RPS15A: variants seen among roughly 807,000 people sequenced by gnomAD.
RPS15A encodes the protein small ribosomal subunit protein uS8.
For missense variants in RPS15A, 62 were observed against 163.4 expected (o/e 0.38, Z 3.38); for synonymous variants, 55 against 58.5 (o/e 0.94, Z 0.27).
intron 4 of RPS15A, 175 bp from the exon 5 acceptor site, chr16:18,783,277 G>A: frequency 3.6e-6 from 2 of 557,306 alleles, no homozygotes; most frequent in South Asian, 2.3e-5. Flanking sequence ...CATGACTCCT[G>A]CAACCCAAAG....
chr16:18,788,029 A>T, intron 3 of RPS15A, 34 bp downstream of exon 3: 1 of 1,380,884 alleles, frequency 7.2e-7, no homozygotes, highest in Non-Finnish European at 1.0e-6. Flanking sequence ...AAAAATTCTT[A>T]AAGCTTTGAA....
At position 18,784,747 on chromosome 16, in the gene RPS15A, C is replaced by G; in HGVS notation, c.290G>C (p.Arg97Pro). 1 of 1,607,336 alleles carries G rather than the reference C, an allele frequency of 6.2e-7. No individual in the cohort carries two copies. Among genetic ancestry groups the G allele is most frequent in the South Asian group, 1.1e-5 (1 of 89,348 alleles). ...EKWQNNLLPS[R>P]QFGFIVLTTS... Reference sequence around the variant, plus strand: ...GGAAAGGCCAACTTACCCAAACTGGCGGGATGGAAGCAGATTATTCTGCCA... The same window carrying G: ...GGAAAGGCCAACTTACCCAAACTGGGGGGATGGAAGCAGATTATTCTGCCA... The change falls in exon 4 of 5, where the codon CGC becomes CCC. Residue 97 changes from arginine to proline, a missense_variant. Physicochemically the swap from Arg to Pro is moderately radical, Grantham distance 103. Transcript: ENST00000322989.
intron 4 of RPS15A, 61 bp from the exon 5 acceptor site, chr16:18,783,163 G>A: frequency 1.8e-6 from 2 of 1,094,112 alleles, no homozygotes; most frequent in Non-Finnish European, 2.8e-6. Context: ...GCCTTCTAGT[G>A]CAGAAAAACA....
chr16:18,783,498 T>C (rs1261282875), intron 4 of RPS15A: 1 of 366,978 alleles, frequency 2.7e-6, no homozygotes, highest in Non-Finnish European at 5.4e-6. Flanking sequence ...AACTATTATA[T>C]GGAGACGTTC....
chr16:18,785,032 G>C (rs781253816), intron 3 of RPS15A: 1 of 505,046 alleles, frequency 2.0e-6, no homozygotes, highest in Admixed American at 4.0e-5. Flanking sequence ...AAAAGCAAAG[G>C]CATGCAAAGA....
rs967533951 is a variant in RPS15A at position 18,789,173 on chromosome 16, CACCA to C, written c.-5-59_-5-56del. On this transcript the variant is annotated intron_variant, in intron 1 of 4. Coordinates refer to ENST00000322989, the MANE Select transcript of RPS15A (RefSeq NM_001019.5). ...TACTGGCATTGCCAACATCAACAGA[CACCA>C]ACCATTACACTGCGGAAGTATCCTT... is the stretch of plus-strand genomic sequence containing the variant. The C allele has an allele frequency of 1.3e-5, 20 of 1,544,340 alleles. No homozygotes were observed. The African/African-American group carries it at 2.5e-4, about 19-fold the overall frequency.
chr16:18,781,345 G>GACGATTCACTC lies in RPS15A; in HGVS notation c.*1653_*1663dup, dbSNP rs1903963823. Reference sequence around the variant, plus strand: ...TGAAGTCAGTGTCCAGAAAGAAACCGACGATTCACTCAATCAACATGTAAG... The same window carrying GACGATTCACTC: ...TGAAGTCAGTGTCCAGAAAGAAACCGACGATTCACTCACGATTCACTCAATCAACATGTAAG... On this transcript the variant is annotated 3_prime_UTR_variant, in exon 5 of 5. Transcript: ENST00000322989. 6.6e-6 allele frequency: 1 copy of GACGATTCACTC among 150,726 alleles called. No individual in the cohort carries two copies. Among genetic ancestry groups the GACGATTCACTC allele is most frequent in the African/African-American group, 2.4e-5 (1 of 41,028 alleles). The allele number at this position is 150,726 out of a possible 1,614,324, so 9.3% of individuals were successfully genotyped here.
chr16:18,790,189 C>A, intron 1 of RPS15A, 55 bp downstream of exon 1: 1 of 152,610 alleles, frequency 6.6e-6, no homozygotes, highest in Non-Finnish European at 1.5e-5. Flanking sequence ...CCGGCAAGGC[C>A]AGGATCCTCG....
intron 2 of RPS15A, 118 bp downstream of exon 2, chr16:18,788,863 A>G: frequency 9.3e-7 from 1 of 1,072,248 alleles, no homozygotes; most frequent in South Asian, 1.5e-5. Context: ...CCACAGGTCA[A>G]TTGCATTCGT....
chr16:18,784,961 C>T lies in RPS15A; in HGVS notation c.214-138G>A, dbSNP rs151080780. 9.5e-6 allele frequency: 6 copies of T among 630,980 alleles called. No individual in the cohort carries two copies. In the East Asian group the frequency reaches 1.8e-4, roughly 19 times the overall value. 39.1% of individuals were successfully genotyped at this position (630,980 alleles called of 1,614,324 possible). A position where few individuals can be genotyped will look rare whatever the true frequency, so the allele number is the denominator to read the frequency against. Reference sequence around the variant, plus strand: ...CATTCAGATGGGTACTTATTCTGTGCACAATGCTTGACATACTTTTCAAAA... The same window carrying T: ...CATTCAGATGGGTACTTATTCTGTGTACAATGCTTGACATACTTTTCAAAA... On this transcript the variant is annotated intron_variant, in intron 3 of 4. Coordinates refer to ENST00000322989, the MANE Select transcript of RPS15A (RefSeq NM_001019.5).
chr16:18,789,628 A>G (rs1183604172), intron 1 of RPS15A, among the ~76,000 whole-genome samples: 1 of 152,178 alleles, frequency 6.6e-6, no homozygotes, highest in Non-Finnish European at 1.5e-5. Flanking sequence ...TAACTATTAA[A>G]CATCCATCTT....
At chr16:18,789,462 C>T (rs966046039) in intron 1 of RPS15A, among the ~76,000 whole-genome samples, 2 of 152,218 alleles carry the variant, frequency 1.3e-5, no homozygotes, top group African/African-American at 4.8e-5. Flanking sequence ...AAACTGCCAG[C>T]TACCGGAAGG....
chr16:18,787,079 T>C (rs1389178307), intron 3 of RPS15A, among the ~76,000 whole-genome samples: 2 of 152,236 alleles, frequency 1.3e-5, no homozygotes, highest in South Asian at 2.1e-4. Context: ...TGGCCAGGCT[T>C]GTCTCAAACT....
At chr16:18,788,858 G>A (rs1596938438) in intron 2 of RPS15A, 123 bp downstream of exon 2, 1 of 1,015,162 alleles carries the variant, frequency 9.9e-7, no homozygotes, top group Non-Finnish European at 1.5e-6. Flanking sequence ...ACAGCCCACA[G>A]GTCAATTGCA....
chr16:18,789,524 C>A (rs1476721900), intron 1 of RPS15A, among the ~76,000 whole-genome samples: 1 of 152,204 alleles, frequency 6.6e-6, no homozygotes, highest in Non-Finnish European at 1.5e-5. Flanking sequence ...AGAGTATCAT[C>A]GGCAACATTT....
Position 18,782,293 on chromosome 16 carries a change from TAAAAAAAAAAA to T in RPS15A, c.*705_*715del, listed in dbSNP as rs71141062. The T allele has an allele frequency of 1.1e-5, 1 of 87,952 alleles. No individual in the cohort carries two copies. The highest frequency in any genetic ancestry group is 2.3e-5 in the Non-Finnish European group (1 of 44,318). The allele number at this position is 87,952 out of a possible 1,614,324, so 5.4% of individuals were successfully genotyped here. A position where few individuals can be genotyped will look rare whatever the true frequency, so the allele number is the denominator to read the frequency against. ...CCTGTGTGACAGAGCGACTTTGTCT[TAAAAAAAAAAA>T]AAAAAAAAAAAAAATTCCTAGCAAG... On this transcript the variant is annotated 3_prime_UTR_variant, in exon 5 of 5. Coordinates refer to ENST00000322989, the MANE Select transcript of RPS15A (RefSeq NM_001019.5).
intron 3 of RPS15A, chr16:18,786,424 C>T (rs1427930838): frequency 6.5e-6 from 1 of 154,926 alleles, no homozygotes; most frequent in African/African-American, 2.4e-5. Context: ...ATTTTTCAAA[C>T]TAGCATACCA....
At chr16:18,790,150 C>T (rs1459151086) in intron 1 of RPS15A, 94 bp downstream of exon 1, 1 of 152,460 alleles carries the variant, frequency 6.6e-6, no homozygotes, top group East Asian at 1.9e-4. Context: ...GGCGCCCAGC[C>T]ATGGCTCTCC....
chr16:18,783,890 G>A (rs1904004482), intron 4 of RPS15A: 3 of 350,922 alleles, frequency 8.5e-6, no homozygotes, highest in African/African-American at 4.3e-5. Flanking sequence ...ACTCAGATAG[G>A]CTTTTAAGGA....
Sources: gnomAD v4.1 joint callset for allele counts (sites outside exome capture counted in the v4.1 genomes callset) on GRCh38, gnomAD v4.1.1 for gene constraint, MANE v1.5 for transcripts, NCBI Gene and HGNC (gene_info 2026-07-23, HGNC 2026-07-21) for gene names.